The following CAMTA1 variants were observed in gnomAD, a reference collection of about 807,000 sequenced individuals.
CAMTA1 encodes calmodulin binding transcription activator 1.
A neutral mutation model predicts 170.9 loss-of-function variants in CAMTA1; 27 were observed. The observed-to-expected ratio is 0.16, with a 90% CI of 0.12 to 0.22. CAMTA1 has a LOEUF of 0.22. Among genes scored for constraint, CAMTA1 ranks in the 10% least tolerant of loss-of-function variants. CAMTA1 has a pLI of 1.00. For synonymous variants in CAMTA1, 833 were observed against 891.5 expected, an observed-to-expected ratio of 0.93 and a Z score of 1.17; for missense variants, 1,619 against 2,217.2, an observed-to-expected ratio of 0.73 and a Z score of 5.42.
chr1:7,602,333 G>A (rs1216681365), intron 6 of CAMTA1, among the ~76,000 whole-genome samples: 7 of 151,796 alleles, frequency 4.6e-5, no homozygotes, highest in Admixed American at 4.6e-4. Context: ...CAATTTCAGA[G>A]CCTGTTATTG....
chr1:7,547,225 T>G lies in CAMTA1; in HGVS notation c.510+79324T>G, dbSNP rs1169235311. Among the ~76,000 whole-genome samples the G allele has an allele frequency of 6.6e-6, 1 of 152,122 alleles. No homozygotes were observed. The highest frequency in any genetic ancestry group is 1.5e-5 in the Non-Finnish European group (1 of 68,030). On this transcript the variant is annotated intron_variant, in intron 6 of 22. Transcript: ENST00000303635. The surrounding 1 kb of genome is among the most constrained non-coding windows in gnomAD (Gnocchi z 5.7). ...GTACTTTCCTGAAATCAACCATTTC[T>G]CCAAAGAAACCTGGTTTCTTTTAGT...
chr1:7,684,832 G>A (rs1490753949), intron 11 of CAMTA1, among the ~76,000 whole-genome samples: 1 of 152,160 alleles, frequency 6.6e-6, no homozygotes, highest in Non-Finnish European at 1.5e-5. Flanking sequence ...AGTCCCCAGG[G>A]CATGGTCCTG....
chr1:6,946,937 G>A (rs1044091474), intron 3 of CAMTA1, among the ~76,000 whole-genome samples: 1 of 152,178 alleles, frequency 6.6e-6, no homozygotes, highest in Non-Finnish European at 1.5e-5. Context: ...GAGTTTTGTA[G>A]CTGTAGCTCT....
At chr1:7,500,622 C>T (rs914678732) in intron 6 of CAMTA1, among the ~76,000 whole-genome samples, 1 of 152,172 alleles carries the variant, frequency 6.6e-6, no homozygotes, top group African/African-American at 2.4e-5. Flanking sequence ...CAGCAGCAGC[C>T]TCCTCTCAAG....
At chr1:6,950,669 T>G (rs1046310589) in intron 3 of CAMTA1, among the ~76,000 whole-genome samples, 2 of 152,174 alleles carry the variant, frequency 1.3e-5, no homozygotes, top group Non-Finnish European at 2.9e-5. Flanking sequence ...AGAAGCATTG[T>G]GCTCCTTTGC....
rs1283355721 is a variant in CAMTA1, at chr1:7,286,882, C to T, written c.438+37256C>T. On this transcript the variant is annotated intron_variant, in intron 5 of 22. Coordinates refer to ENST00000303635, the MANE Select transcript of CAMTA1 (RefSeq NM_015215.4). This position sits in a 1 kb window ranked among gnomAD's most constrained non-coding sequence, Gnocchi z 4.2. ...AATGAGGACAGAGGTGCTCTGAGGACTCCAGATTGTTATGGAGAGTTTAGC... is the reference window on the plus strand; with the variant it reads ...AATGAGGACAGAGGTGCTCTGAGGATTCCAGATTGTTATGGAGAGTTTAGC... Among the ~76,000 whole-genome samples the T allele has an allele frequency of 6.6e-6, 1 of 152,162 alleles. No individual in the cohort carries two copies. Among genetic ancestry groups the T allele is most frequent in the Non-Finnish European group, 1.5e-5 (1 of 68,026 alleles).
chr1:7,257,076 C>CA (rs1553291545), intron 5 of CAMTA1, among the ~76,000 whole-genome samples: 1 of 135,134 alleles, frequency 7.4e-6, no homozygotes, highest in Non-Finnish European at 1.6e-5. Flanking sequence ...CATCGCATGG[C>CA]GGGGGCGGGG....
chr1:7,461,829 C>G (rs1325485505), intron 5 of CAMTA1, among the ~76,000 whole-genome samples: 1 of 152,240 alleles, frequency 6.6e-6, no homozygotes, highest in Non-Finnish European at 1.5e-5. Context: ...TGCTCATACT[C>G]AGGACCAGAA....
At position 6,924,111 on chromosome 1, in the gene CAMTA1, A is replaced by G. The variant is rs978185526; in HGVS notation, c.234+98901A>G. On this transcript the variant is annotated intron_variant, in intron 3 of 22. Coordinates refer to ENST00000303635, the MANE Select transcript of CAMTA1 (RefSeq NM_015215.4). Reference sequence around the variant, plus strand: ...TGAGCCTGGCTGGCCACACGGCATGACTTTGTTCATGTCATGAATATTTAT... The same window carrying G: ...TGAGCCTGGCTGGCCACACGGCATGGCTTTGTTCATGTCATGAATATTTAT... Among the ~76,000 whole-genome samples the G allele has an allele frequency of 6.6e-5, 10 of 152,150 alleles. No individual in the cohort carries two copies. The East Asian group carries it at 1.5e-3, about 23-fold the overall frequency.
intron 6 of CAMTA1, among the ~76,000 whole-genome samples, chr1:7,589,080 G>T (rs1310038566): frequency 6.6e-6 from 1 of 152,212 alleles, no homozygotes; most frequent in Non-Finnish European, 1.5e-5. Context: ...AGAGGGCTTA[G>T]CTGGGAAGGG....
At position 7,426,703 on chromosome 1, in the gene CAMTA1, C is replaced by T. The variant is rs1220523732; in HGVS notation, c.439-41127C>T. Among the ~76,000 whole-genome samples, 2 of 152,270 alleles carry T rather than the reference C, an allele frequency of 1.3e-5. No homozygotes were observed. Among genetic ancestry groups the T allele is most frequent in the East Asian group, 3.9e-4 (2 of 5,172 alleles). The stretch of plus-strand genomic sequence containing the variant: ...AAGGTGGAGAAAACTTCGCTCACCG[C>T]ATTTGGGCAGGAGAAATCTGAGATT... On this transcript the variant is annotated intron_variant, in intron 5 of 22. Coordinates refer to ENST00000303635, the MANE Select transcript of CAMTA1 (RefSeq NM_015215.4). The surrounding 1 kb of genome is among the most constrained non-coding windows in gnomAD (Gnocchi z 4.8).
chr1:7,423,235 C>G (rs1557689347), intron 5 of CAMTA1, among the ~76,000 whole-genome samples: 1 of 152,166 alleles, frequency 6.6e-6, no homozygotes, highest in African/African-American at 2.4e-5. Flanking sequence ...CTTTGGGAGG[C>G]CGAGGCAGGT....
At chr1:7,164,835 CA>C (rs1648040979) in intron 4 of CAMTA1, among the ~76,000 whole-genome samples, 1 of 152,158 alleles carries the variant, frequency 6.6e-6, no homozygotes, top group Non-Finnish European at 1.5e-5. Flanking sequence ...ATTGGAACAC[CA>C]AGAGAATGAT....
chr1:6,875,010 A>G (rs1458662556), intron 3 of CAMTA1, among the ~76,000 whole-genome samples: 2 of 152,306 alleles, frequency 1.3e-5, no homozygotes, highest in Middle Eastern at 3.4e-3. Context: ...AGGGCTTTCC[A>G]TACATTTTAA....
intron 3 of CAMTA1, among the ~76,000 whole-genome samples, chr1:6,980,436 C>G (rs1406239712): frequency 6.6e-6 from 1 of 152,120 alleles, no homozygotes; most frequent in African/African-American, 2.4e-5. Flanking sequence ...GAGTGACAGA[C>G]CCAGAGAGAC....
Position 7,635,205 on chromosome 1 carries a change from C to T in CAMTA1, c.511-5195C>T, listed in dbSNP as rs1484410959. Reference sequence around the variant, plus strand: ...GCCCAGGGAGGGGCTTCTGCACAAGCTCTTCTTCCCTCCCTGAACCCACAG... The same window carrying T: ...GCCCAGGGAGGGGCTTCTGCACAAGTTCTTCTTCCCTCCCTGAACCCACAG... On this transcript the variant is annotated intron_variant, in intron 6 of 22. Coordinates refer to ENST00000303635, the MANE Select transcript of CAMTA1 (RefSeq NM_015215.4). This position sits in a 1 kb window ranked among gnomAD's most constrained non-coding sequence, Gnocchi z 4.4. Among the ~76,000 whole-genome samples the T allele has an allele frequency of 6.6e-6, 1 of 152,204 alleles. No homozygotes were observed. The highest frequency in any genetic ancestry group is 1.5e-5 in the Non-Finnish European group (1 of 68,040).
Position 7,751,264 on chromosome 1 carries a change from T to C in CAMTA1, c.4755T>C (p.Tyr1585=). 2 of 1,611,696 alleles carry C rather than the reference T, an allele frequency of 1.2e-6. No homozygotes were observed. The highest frequency in any genetic ancestry group is 4.5e-5 in the East Asian group (2 of 44,840). Residue 1585 remains tyrosine, a synonymous_variant, in exon 20 of 23, where the codon TAT becomes TAC. Transcript: ENST00000303635. ...TCCAGAGCAAATTCCGAAGTTACTA[T>C]GAACAAAAAAAATTCCAGCAGAGCC... The part of the protein sequence containing the change: ...ILIQSKFRSY[Y]EQKKFQQSRR...
intron 7 of CAMTA1, among the ~76,000 whole-genome samples, chr1:7,652,950 A>G (rs1311069223): frequency 6.6e-6 from 1 of 152,198 alleles, no homozygotes; most frequent in African/African-American, 2.4e-5. Context: ...TTTTGGCATT[A>G]ATAAAATGGG....
intron 3 of CAMTA1, chr1:6,834,736 C>T (rs1195111083): frequency 6.5e-6 from 1 of 154,072 alleles, no homozygotes; most frequent in Non-Finnish European, 1.4e-5. Flanking sequence ...CTTCCGGGCT[C>T]AAGCTATCCT....
Sources: allele counts gnomAD v4.1 joint callset (sites outside exome capture counted in the v4.1 genomes callset), GRCh38; gene constraint gnomAD v4.1.1; non-coding constraint Gnocchi (gnomAD v3.1); transcripts MANE v1.5; gene names NCBI Gene and HGNC (gene_info 2026-07-23, HGNC 2026-07-21).